The following PTPRQ variants were observed in gnomAD, a reference collection of about 807,000 sequenced individuals.
The protein encoded by PTPRQ is protein tyrosine phosphatase receptor type Q.
In PTPRQ, 199 loss-of-function variants were observed where a neutral mutation model predicts 246.0. The observed-to-expected ratio is 0.81, with a 90% CI of 0.72 to 0.91. The LOEUF (loss-of-function observed/expected upper bound fraction) is 0.91, where lower values mean the gene tolerates loss of function less well. Ranked by LOEUF, PTPRQ falls within the 40% of genes least tolerant of loss-of-function variation. The pLI is 0.00. For missense variants in PTPRQ, 2,624 were observed against 2,528.4 expected (o/e 1.04, Z -0.81); for synonymous variants, 869 against 853.2 (o/e 1.02, Z -0.32).
chr12:80,622,786 G>A (rs1899044863), intron 33 of PTPRQ, among the ~76,000 whole-genome samples: 1 of 151,970 alleles, frequency 6.6e-6, no homozygotes, highest in Non-Finnish European at 1.5e-5. Flanking sequence ...CCTTTGTTGG[G>A]AAAATATTGA....
At chr12:80,649,901 C>G (rs1028750631) in intron 37 of PTPRQ, among the ~76,000 whole-genome samples, 1 of 152,116 alleles carries the variant, frequency 6.6e-6, no homozygotes, top group Non-Finnish European at 1.5e-5. Flanking sequence ...TTCAGACCTC[C>G]CCTGTATTGG....
At chr12:80,450,287 TG>T (rs1892710991) in intron 3 of PTPRQ, among the ~76,000 whole-genome samples, 1 of 152,190 alleles carries the variant, frequency 6.6e-6, no homozygotes, top group South Asian at 2.1e-4. Flanking sequence ...GCTGAGACGA[TG>T]GGGTTTTCTA....
chr12:80,609,337 C>A (rs1048392953), intron 27 of PTPRQ, among the ~76,000 whole-genome samples: 1 of 150,472 alleles, frequency 6.6e-6, no homozygotes, highest in Admixed American at 6.7e-5. Flanking sequence ...TAAAAGAATA[C>A]ATTGAACCAA....
chr12:80,545,074 A>G (rs1181712479), intron 23 of PTPRQ, among the ~76,000 whole-genome samples: 2 of 152,118 alleles, frequency 1.3e-5, no homozygotes, highest in African/African-American at 4.8e-5. Flanking sequence ...TCTTATTATT[A>G]TGCCCTCTTG....
intron 39 of PTPRQ, 109 bp from the exon 40 acceptor site, chr12:80,668,898 A>G: frequency 2.2e-6 from 3 of 1,338,938 alleles, no homozygotes; most frequent in Non-Finnish European, 2.9e-6. Context: ...ACGGTATTCT[A>G]AAATATTAGG....
intron 26 of PTPRQ, among the ~76,000 whole-genome samples, chr12:80,591,379 G>T (rs997890171): frequency 6.6e-6 from 1 of 152,060 alleles, no homozygotes; most frequent in Middle Eastern, 3.4e-3. Context: ...TCCTCCTGCC[G>T]TGGCCTCCCA....
In PTPRQ at chr12:80,514,402, A is replaced by ACACACACTCTCTCTCTCT. The variant is rs552667526; in HGVS notation, c.2678+3960_2678+3961insACACACTCTCTCTCTCTC. ...CACACACACACACACACACACACAC[A>ACACACACTCTCTCTCTCT]CTCTCTCTCTCTCTCTCTGCTTTAA... is the stretch of plus-strand genomic sequence containing the variant. On this transcript the variant is annotated intron_variant, in intron 17 of 44. Coordinates refer to ENST00000644991, the MANE Select transcript of PTPRQ (RefSeq NM_001145026.2). 2.7e-5 allele frequency among the ~76,000 whole-genome samples: 3 copies of ACACACACTCTCTCTCTCT among 113,022 alleles called. No homozygotes were observed. In the East Asian group the frequency reaches 9.3e-4, roughly 35 times the overall value. The allele number at this position is 113,022 out of a possible 152,430, so 74.1% of individuals were successfully genotyped here.
At chr12:80,450,726 G>A (rs542622813) in intron 3 of PTPRQ, among the ~76,000 whole-genome samples, 1 of 152,322 alleles carries the variant, frequency 6.6e-6, no homozygotes, top group Admixed American at 6.5e-5. Context: ...CAGGGATGAA[G>A]CCCACTTGAT....
rs1488658488 is a variant in PTPRQ at position 80,608,532 on chromosome 12, G to A, written c.4732-1907G>A. On this transcript the variant is annotated intron_variant, in intron 27 of 44. Transcript: ENST00000644991. ...TTTGTTATCTATTGTTTTAATGGAAGGCATTGGAAGAGTATAATTTATAAA... is the reference window on the plus strand; with the variant it reads ...TTTGTTATCTATTGTTTTAATGGAAAGCATTGGAAGAGTATAATTTATAAA... Among the ~76,000 whole-genome samples, 4 of 129,172 alleles carry A rather than the reference G, an allele frequency of 3.1e-5. No individual in the cohort carries two copies. In the East Asian group the frequency reaches 8.2e-4, roughly 26 times the overall value. 84.7% of individuals were successfully genotyped at this position (129,172 alleles called of 152,430 possible). A position where few individuals can be genotyped will look rare whatever the true frequency, so the allele number is the denominator to read the frequency against.
At chr12:80,642,744 C>A (rs1250816747) in intron 35 of PTPRQ, among the ~76,000 whole-genome samples, 2 of 150,464 alleles carry the variant, frequency 1.3e-5, no homozygotes, top group African/African-American at 2.4e-5. Context: ...AACGGTGAAA[C>A]CCCGTCTCTA....
At chr12:80,511,447 C>T (rs571585684) in intron 17 of PTPRQ, among the ~76,000 whole-genome samples, 1 of 152,128 alleles carries the variant, frequency 6.6e-6, no homozygotes, top group African/African-American at 2.4e-5. Context: ...CTCATTCATT[C>T]ATTGAACAAT....
intron 14 of PTPRQ, among the ~76,000 whole-genome samples, chr12:80,497,389 C>T (rs1159624818): frequency 1.3e-5 from 2 of 151,950 alleles, no homozygotes; most frequent in African/African-American, 4.8e-5. Context: ...AATCTAATGT[C>T]GACACTGATC....
chr12:80,610,151 A>T lies in PTPRQ; in HGVS notation c.4732-288A>T, dbSNP rs1372152878. 9.3e-5 allele frequency among the ~76,000 whole-genome samples: 14 copies of T among 150,532 alleles called. No individual in the cohort carries two copies. The Admixed American group carries it at 9.3e-4, about 10-fold the overall frequency. Reference sequence around the variant, plus strand: ...TCTTCTACAAAATATTGGAGTCAAAAGTAGAGTTTCATTGACTGCAAAGAT... The same window carrying T: ...TCTTCTACAAAATATTGGAGTCAAATGTAGAGTTTCATTGACTGCAAAGAT... On this transcript the variant is annotated intron_variant, in intron 27 of 44. Coordinates refer to ENST00000644991, the MANE Select transcript of PTPRQ (RefSeq NM_001145026.2).
intron 25 of PTPRQ, among the ~76,000 whole-genome samples, chr12:80,555,152 G>A (rs1342098708): frequency 6.6e-6 from 1 of 152,158 alleles, no homozygotes; most frequent in East Asian, 1.9e-4. Context: ...CTGACTTCAT[G>A]TGATCTACCT....
Position 80,542,110 on chromosome 12 carries a change from TCAA to T in PTPRQ, c.3470_3472del (p.Asn1157del). On this transcript the variant is annotated inframe_deletion, in exon 22 of 45. Transcript: ENST00000644991. The stretch of plus-strand genomic sequence containing the variant: ...ATAGTCCCAGAAACTTCACCAATAA[TCAA>T]CACTTTTAAAAACCTTTCCTCTACC... 6.5e-7 allele frequency: 1 copy of T among 1,548,766 alleles called. No homozygotes were observed. The highest frequency in any genetic ancestry group is 8.7e-7 in the Non-Finnish European group (1 of 1,146,256).
At chr12:80,481,450 T>C (rs2120592775) in intron 8 of PTPRQ, among the ~76,000 whole-genome samples, 1 of 152,286 alleles carries the variant, frequency 6.6e-6, no homozygotes, top group East Asian at 1.9e-4. Flanking sequence ...AAGCATTCCC[T>C]TTGAAAACTG....
At chr12:80,658,665 A>G (rs576779410) in intron 39 of PTPRQ, among the ~76,000 whole-genome samples, 2 of 152,088 alleles carry the variant, frequency 1.3e-5, no homozygotes, top group South Asian at 2.1e-4. Flanking sequence ...ACGGGATTCT[A>G]TCTCTAAACA....
intron 33 of PTPRQ, among the ~76,000 whole-genome samples, chr12:80,628,728 A>G (rs935886210): frequency 6.6e-6 from 1 of 152,192 alleles, no homozygotes; most frequent in African/African-American, 2.4e-5. Flanking sequence ...GGGGGCTTAC[A>G]TTCTGGAGGA....
At chr12:80,582,034 A>G (rs1026153335) in intron 25 of PTPRQ, among the ~76,000 whole-genome samples, 1 of 152,200 alleles carries the variant, frequency 6.6e-6, no homozygotes, top group African/African-American at 2.4e-5. Context: ...TTACCTAGCA[A>G]CGATTATCCT....
Sources: allele counts gnomAD v4.1 joint callset (sites outside exome capture counted in the v4.1 genomes callset), GRCh38; gene constraint gnomAD v4.1.1; transcripts MANE v1.5; gene names NCBI Gene and HGNC (gene_info 2026-07-23, HGNC 2026-07-21).